Variants in SESN3 observed in about 807,000 individuals in gnomAD.
SESN3 encodes sestrin-3.
In SESN3, 21 loss-of-function variants were observed where a neutral mutation model predicts 55.3. That is an observed-to-expected ratio of 0.38 (90% CI 0.27 to 0.55). The LOEUF (loss-of-function observed/expected upper bound fraction) is 0.55, where lower values mean the gene tolerates loss of function less well. Among genes scored for constraint, SESN3 ranks in the 20% least tolerant of loss-of-function variants. The pLI, the probability that SESN3 is intolerant of heterozygous loss-of-function variation, is 0.76. For synonymous variants in SESN3, 181 were observed against 203.1 expected (o/e 0.89, Z 0.93); for missense variants, 408 against 604.3 (o/e 0.68, Z 3.41).
chr11:95,176,997 G>A (rs1445287918), intron 8 of SESN3, among the ~76,000 whole-genome samples: 2 of 152,034 alleles, frequency 1.3e-5, no homozygotes, highest in African/African-American at 2.4e-5. Context: ...TTGCTTAACC[G>A]ATTAAATTCT....
At chr11:95,218,549 C>T (rs1431102671) in intron 1 of SESN3, among the ~76,000 whole-genome samples, 2 of 151,916 alleles carry the variant, frequency 1.3e-5, no homozygotes, top group African/African-American at 2.4e-5. Context: ...GTAATAGCAT[C>T]TGACATAGAA....
At chr11:95,182,090 C>G in intron 6 of SESN3, 1 of 282,938 alleles carries the variant, frequency 3.5e-6, no homozygotes, top group Admixed American at 5.1e-5. Flanking sequence ...AGTCAAAATT[C>G]ACTTTTGAAG....
At chr11:95,177,103 A>T (rs1859971726) in intron 8 of SESN3, among the ~76,000 whole-genome samples, 1 of 152,174 alleles carries the variant, frequency 6.6e-6, no homozygotes, top group African/African-American at 2.4e-5. Context: ...TTTCCATAAA[A>T]GCCTCAAAAC....
At chr11:95,221,298 CA>C (rs1299445657) in intron 1 of SESN3, among the ~76,000 whole-genome samples, 14 of 139,072 alleles carry the variant, frequency 1.0e-4, no homozygotes, top group East Asian at 2.1e-4. Flanking sequence ...AGTGAGACTC[CA>C]AAAAAAAAAG....
intron 1 of SESN3, among the ~76,000 whole-genome samples, chr11:95,221,198 G>A (rs2134267065): frequency 6.6e-6 from 1 of 152,164 alleles, no homozygotes; most frequent in Non-Finnish European, 1.5e-5. Context: ...CAGCTACTTA[G>A]GAGGCTGAGG....
At position 95,184,481 on chromosome 11, in the gene SESN3, C is replaced by T. The variant is rs779387960; in HGVS notation, c.876G>A (p.Lys292=). The change falls in exon 6 of 10, where the codon AAG becomes AAA. Residue 292 remains lysine, a synonymous_variant. Coordinates refer to ENST00000536441, the MANE Select transcript of SESN3 (RefSeq NM_144665.4). The part of the protein sequence containing the change: ...SQEEMSTRFE[K]EKKESLFVVS... ...CCACAAAAAGACTTTCTTTCTTCTC[C>T]TTTTCAAAACGAGTGCTCATTTCTT... The T allele has an allele frequency of 6.2e-7, 1 of 1,613,602 alleles. No individual in the cohort carries two copies. Among genetic ancestry groups the T allele is most frequent in the Non-Finnish European group, 8.5e-7 (1 of 1,179,744 alleles).
rs549566102 is a variant in SESN3 at position 95,193,616 on chromosome 11, G to T, written c.79-94C>A. 4.8e-5 allele frequency: 35 copies of T among 721,788 alleles called. No individual in the cohort carries two copies. The East Asian group carries it at 5.8e-4, about 12-fold the overall frequency. The allele number at this position is 721,788 out of a possible 1,614,324, so 44.7% of individuals were successfully genotyped here. ...TATTGCTAAGGTACTAAAATAAAGA[G>T]AATAAATAATTAAATTATGTGAGAC... is the stretch of plus-strand genomic sequence containing the variant. On this transcript the variant is annotated intron_variant, in intron 1 of 9. Transcript: ENST00000536441.
intron 1 of SESN3, among the ~76,000 whole-genome samples, chr11:95,199,315 C>A (rs1311112998): frequency 6.6e-6 from 1 of 151,968 alleles, no homozygotes; most frequent in Non-Finnish European, 1.5e-5. Flanking sequence ...TTTATAATCT[C>A]AAGAATGTTA....
chr11:95,210,068 G>A (rs1461995133), intron 1 of SESN3, among the ~76,000 whole-genome samples: 2 of 151,342 alleles, frequency 1.3e-5, no homozygotes, highest in Non-Finnish European at 2.9e-5. Context: ...CCCTTTGCAG[G>A]GACATGGATG....
chr11:95,231,809 A>G (rs1428485741), upstream of SESN3: 1 of 152,188 alleles, frequency 6.6e-6, no homozygotes. Flanking sequence ...CGCATCATTT[A>G]TTGTGAACCT....
intron 1 of SESN3, 24 bp from the exon 2 acceptor site, chr11:95,193,546 T>C (rs1234335739): frequency 4.6e-6 from 6 of 1,309,984 alleles, no homozygotes; most frequent in Non-Finnish European, 6.6e-6. Flanking sequence ...AAAAGTTTTA[T>C]GTATCAATGA....
intron 4 of SESN3, among the ~76,000 whole-genome samples, chr11:95,186,232 GT>G (rs1860163373): frequency 1.3e-5 from 2 of 149,712 alleles, no homozygotes; most frequent in Non-Finnish European, 3.0e-5. Flanking sequence ...GTGTGTGTGT[GT>G]GTGTGTGTGG....
At chr11:95,227,749 T>C (rs894324297) in intron 1 of SESN3, among the ~76,000 whole-genome samples, 1 of 152,246 alleles carries the variant, frequency 6.6e-6, no homozygotes, top group Non-Finnish European at 1.5e-5. Context: ...TTTTATTTAC[T>C]GGAAGATGAG....
rs1210726742 is a variant in SESN3 at position 95,173,195 on chromosome 11, C to T, written c.*60G>A. The stretch of plus-strand genomic sequence containing the variant: ...TTTGATGCTATATCACAAATAGCTT[C>T]AATGTTTATCTTATGTGAAAGGTCT... On this transcript the variant is annotated 3_prime_UTR_variant, in exon 10 of 10. Transcript: ENST00000536441. 4 of 959,952 alleles carry T rather than the reference C, an allele frequency of 4.2e-6. No homozygotes were observed. Among genetic ancestry groups the T allele is most frequent in the Middle Eastern group, 4.6e-4 (2 of 4,356 alleles). 59.5% of individuals were successfully genotyped at this position (959,952 alleles called of 1,614,324 possible). A position where few individuals can be genotyped will look rare whatever the true frequency, so the allele number is the denominator to read the frequency against.
In SESN3 at chr11:95,175,478, C is replaced by G. The variant is rs1396754458; in HGVS notation, c.1392+20G>C. On this transcript the variant is annotated intron_variant, in intron 9 of 9. Coordinates refer to ENST00000536441, the MANE Select transcript of SESN3 (RefSeq NM_144665.4). ...CTGAAGAACTGTCTATGGTATAATG[C>G]TTAATACTGAAACACGTACTTTTTC... 5 of 1,606,498 alleles carry G rather than the reference C, an allele frequency of 3.1e-6. No homozygotes were observed. The highest frequency in any genetic ancestry group is 2.2e-5 in the East Asian group (1 of 44,840).
rs756352534 is a variant in SESN3, at chr11:95,230,884, G to C, written c.-24C>G. ...ATCGTGGCTGCGGGCGCCGAGGCGA[G>C]AGCGGGCGGAGGGCCGGGTCCGGGC... On this transcript the variant is annotated 5_prime_UTR_variant, in exon 1 of 10. Transcript: ENST00000536441. The surrounding 1 kb of genome is among the most constrained non-coding windows in gnomAD (Gnocchi z 4.6). The C allele has an allele frequency of 2.0e-6, 3 of 1,536,104 alleles. No homozygotes were observed. The highest frequency in any genetic ancestry group is 1.4e-5 in the African/African-American group (1 of 69,614).
Position 95,213,148 on chromosome 11 carries a change from TA to T in SESN3, c.78+17634del, listed in dbSNP as rs55801322. On this transcript the variant is annotated intron_variant, in intron 1 of 9. Transcript: ENST00000536441. ...CAAAAATCTTCATAGTCCTAAAAAATAAAAAAAAACCTTGGTCTTTTCCAAT... is the reference window on the plus strand; with the variant it reads ...CAAAAATCTTCATAGTCCTAAAAAATAAAAAAAACCTTGGTCTTTTCCAAT... Among the ~76,000 whole-genome samples, 444 of 151,168 alleles carry T rather than the reference TA, an allele frequency of 2.9e-3. 4 individuals are homozygous for T. Among genetic ancestry groups the T allele is most frequent in the African/African-American group, 9.9e-3 (407 of 41,256 alleles).
intron 1 of SESN3, among the ~76,000 whole-genome samples, chr11:95,211,599 C>A (rs2134255974): frequency 1.3e-5 from 2 of 152,132 alleles, no homozygotes; most frequent in African/African-American, 4.8e-5. Flanking sequence ...AACCCCATCT[C>A]TACCAAAAAA....
intron 1 of SESN3, chr11:95,224,454 T>G (rs1296211293): frequency 2.3e-6 from 1 of 442,072 alleles, no homozygotes; most frequent in East Asian, 7.3e-5. Context: ...AAGATTACCT[T>G]GTCCATTATG....
Sources: gnomAD v4.1 joint callset for allele counts (sites outside exome capture counted in the v4.1 genomes callset) on GRCh38, gnomAD v4.1.1 for gene constraint, Gnocchi (gnomAD v3.1) non-coding constraint, MANE v1.5 for transcripts, NCBI Gene and HGNC (gene_info 2026-07-23, HGNC 2026-07-21) for gene names.